Variants in COL4A3 observed in about 807,000 individuals in gnomAD.
COL4A3 encodes the protein collagen alpha-3(IV) chain.
A neutral mutation model predicts 217.4 loss-of-function variants in COL4A3; 135 were observed. The observed-to-expected ratio is 0.62, with a 90% CI of 0.54 to 0.72. The LOEUF is 0.72. Among genes scored for constraint, COL4A3 ranks in the 30% least tolerant of loss-of-function variants. The probability of loss-of-function intolerance (pLI) is 0.00; values close to 1 mark genes in which losing one functional copy is unlikely to be tolerated. For missense variants in COL4A3, 1,868 were observed against 2,119.9 expected (o/e 0.88, Z 2.33); for synonymous variants, 690 against 736.3 (o/e 0.94, Z 1.02).
chr2:227,213,980 G>T (rs1180986525), intron 1 of COL4A3, among the ~76,000 whole-genome samples: 1 of 151,564 alleles, frequency 6.6e-6, no homozygotes, highest in Non-Finnish European at 1.5e-5. Flanking sequence ...ATATTACAAT[G>T]CATATTAGGA....
At chr2:227,233,361 T>C (rs960703995) in intron 1 of COL4A3, among the ~76,000 whole-genome samples, 5 of 152,062 alleles carry the variant, frequency 3.3e-5, no homozygotes. Flanking sequence ...AAACTGGAAT[T>C]TGTTGATGGT....
intron 48 of COL4A3, among the ~76,000 whole-genome samples, chr2:227,308,238 G>T (rs552398069): frequency 3.2e-4 from 48 of 152,082 alleles, no homozygotes; most frequent in African/African-American, 1.0e-3. Flanking sequence ...TTCACACAGG[G>T]TCTCACTTTC....
intron 45 of COL4A3, 35 bp downstream of exon 45, chr2:227,303,965 G>A (rs745967876): frequency 6.2e-7 from 1 of 1,614,212 alleles, no homozygotes; most frequent in South Asian, 1.1e-5. Flanking sequence ...TGTCAATGAA[G>A]AAAGGTAACA....
rs187130455 is a variant in COL4A3, at chr2:227,251,008, T to G, written c.547-132T>G. 306 of 744,694 alleles carry G rather than the reference T, an allele frequency of 4.1e-4. 2 individuals are homozygous for G. In the African/African-American group the frequency reaches 4.7e-3, roughly 11 times the overall value. The allele number at this position is 744,694 out of a possible 1,614,324, so 46.1% of individuals were successfully genotyped here. On this transcript the variant is annotated intron_variant, in intron 9 of 51. Transcript: ENST00000396578. Reference sequence around the variant, plus strand: ...CTTTTTGATGTTTGTTATCATTAGCTGCAGCCACTGAAAGGGGAGGTGTTA... The same window carrying G: ...CTTTTTGATGTTTGTTATCATTAGCGGCAGCCACTGAAAGGGGAGGTGTTA...
At chr2:227,230,641 G>A (rs1163407063) in intron 1 of COL4A3, among the ~76,000 whole-genome samples, 2 of 152,158 alleles carry the variant, frequency 1.3e-5, no homozygotes, top group Non-Finnish European at 2.9e-5. Flanking sequence ...TAAAATCAAT[G>A]AGAATAAAAA....
chr2:227,223,749 CAAATAAAT>C (rs1559841740), intron 1 of COL4A3, among the ~76,000 whole-genome samples: 1 of 116,146 alleles, frequency 8.6e-6, no homozygotes, highest in African/African-American at 2.7e-5. Flanking sequence ...AATAAATAAA[CAAATAAAT>C]AAGCAAATTC....
intron 1 of COL4A3, among the ~76,000 whole-genome samples, chr2:227,213,736 T>C (rs991111809): frequency 1.3e-4 from 20 of 151,752 alleles, no homozygotes; most frequent in African/African-American, 4.1e-4. Context: ...ACCCCGTCTC[T>C]ACCAAAAATA....
chr2:227,303,010 G>T, intron 43 of COL4A3, 28 bp from the exon 44 acceptor site: 2 of 1,530,176 alleles, frequency 1.3e-6, no homozygotes, highest in South Asian at 2.2e-5. Flanking sequence ...AATTTGTTTT[G>T]GTTCTGCTCC....
At chr2:227,298,648 G>A in intron 42 of COL4A3, 34 bp from the exon 43 acceptor site, 1 of 1,612,410 alleles carries the variant, frequency 6.2e-7, no homozygotes, top group Non-Finnish European at 8.5e-7. Flanking sequence ...AAGCTCCCTG[G>A]CTGGCAATAC....
At chr2:227,228,274 A>T (rs1326874865) in intron 1 of COL4A3, among the ~76,000 whole-genome samples, 1 of 152,194 alleles carries the variant, frequency 6.6e-6, no homozygotes, top group Admixed American at 6.5e-5. Flanking sequence ...TCTTCACTGG[A>T]GGGCATGGTG....
intron 1 of COL4A3, among the ~76,000 whole-genome samples, chr2:227,186,242 C>A (rs1047714226): frequency 6.6e-6 from 1 of 152,092 alleles, no homozygotes; most frequent in African/African-American, 2.4e-5. Flanking sequence ...AATAAGATAA[C>A]GCGCATTACA....
At chr2:227,235,499 G>A (rs1194180536) in intron 1 of COL4A3, among the ~76,000 whole-genome samples, 2 of 152,166 alleles carry the variant, frequency 1.3e-5, no homozygotes, top group Middle Eastern at 3.4e-3. Context: ...TTGGTTACAT[G>A]GATAAGTTCT....
intron 1 of COL4A3, among the ~76,000 whole-genome samples, chr2:227,171,339 G>A (rs115252619): frequency 0.03 from 4,591 of 152,288 alleles, 121 homozygotes; most frequent in Non-Finnish European, 0.044. Context: ...TTGAGATAGT[G>A]TATGTAAATT....
At chr2:227,225,860 C>T (rs767464775) in intron 1 of COL4A3, among the ~76,000 whole-genome samples, 7 of 152,082 alleles carry the variant, frequency 4.6e-5, no homozygotes, top group Admixed American at 1.3e-4. Flanking sequence ...TATAATTACA[C>T]TCCACCATGC....
chr2:227,262,801 G>A (rs1417798220), intron 20 of COL4A3, among the ~76,000 whole-genome samples: 1 of 152,080 alleles, frequency 6.6e-6, no homozygotes, highest in African/African-American at 2.4e-5. Context: ...ATGGAGTTAG[G>A]GGTGAAGAGA....
At chr2:227,279,375 C>G (rs1477223704) in intron 28 of COL4A3, 1 of 155,572 alleles carries the variant, frequency 6.4e-6, no homozygotes, top group Non-Finnish European at 1.4e-5. Flanking sequence ...CCTTGGCCTC[C>G]CAAAGTGCTG....
chr2:227,233,829 AG>A (rs1260482661), intron 1 of COL4A3, among the ~76,000 whole-genome samples: 1 of 152,168 alleles, frequency 6.6e-6, no homozygotes. Flanking sequence ...CTAAGCACCC[AG>A]GCGGGTCCTA....
Position 227,233,333 on chromosome 2 carries a change from TA to T in COL4A3, c.88-4623del, listed in dbSNP as rs398039895. 3.0e-3 allele frequency among the ~76,000 whole-genome samples: 451 copies of T among 149,458 alleles called. 1 individual carries two copies. The highest frequency in any genetic ancestry group is 0.01 in the African/African-American group (421 of 40,704). ...TGGCCCCTACAAGCAATTGGCCTGT[TA>T]AAAAAAAAAAATTCTAAAACTGGAA... is the stretch of plus-strand genomic sequence containing the variant. On this transcript the variant is annotated intron_variant, in intron 1 of 51. Transcript: ENST00000396578.
chr2:227,256,284 C>G, intron 16 of COL4A3, 59 bp from the exon 17 acceptor site: 4 of 1,488,966 alleles, frequency 2.7e-6, no homozygotes, highest in Non-Finnish European at 3.8e-6. Flanking sequence ...GCACCTGCTC[C>G]CCCAGAAGAA....
Sources: gnomAD v4.1 joint callset for allele counts (sites outside exome capture counted in the v4.1 genomes callset) on GRCh38, gnomAD v4.1.1 for gene constraint, MANE v1.5 for transcripts, NCBI Gene and HGNC (gene_info 2026-07-23, HGNC 2026-07-21) for gene names.